The following PCDH7 variants were observed in gnomAD, a reference collection of about 807,000 sequenced individuals.
The protein encoded by PCDH7 is protocadherin 7, also known as protocadherin-7.
In PCDH7, 17 loss-of-function variants were observed where a neutral mutation model predicts 58.9. The observed-to-expected ratio is 0.29, with a 90% CI of 0.20 to 0.43. The LOEUF (loss-of-function observed/expected upper bound fraction) is 0.43. Ranked by LOEUF, PCDH7 falls within the 20% of genes least tolerant of loss-of-function variation. The probability of loss-of-function intolerance (pLI) is 1.00; values close to 1 mark genes in which losing one functional copy is unlikely to be tolerated. For missense variants in PCDH7, 1,274 were observed against 1,441.0 expected (o/e 0.88, Z 1.88); for synonymous variants, 664 against 616.4 (o/e 1.08, Z -1.14).
chr4:31,058,716 A>G (rs1427501560), intron 3 of PCDH7, among the ~76,000 whole-genome samples: 1 of 152,006 alleles, frequency 6.6e-6, no homozygotes, highest in African/African-American at 2.4e-5. Context: ...TTTCACACCA[A>G]CTGTGTTGGC....
chr4:31,077,797 A>G (rs1205588142), intron 3 of PCDH7, among the ~76,000 whole-genome samples: 1 of 152,210 alleles, frequency 6.6e-6, no homozygotes, highest in East Asian at 1.9e-4. Context: ...AAATATTGCT[A>G]CTTGGAGAAT....
intron 1 of PCDH7, among the ~76,000 whole-genome samples, chr4:30,839,476 A>C (rs1481683193): frequency 6.6e-6 from 1 of 152,158 alleles, no homozygotes; most frequent in African/African-American, 2.4e-5. Flanking sequence ...CGTATTATGC[A>C]AGTTGAATAA....
intron 2 of PCDH7, among the ~76,000 whole-genome samples, chr4:30,945,793 A>G (rs561778108): frequency 1.4e-4 from 21 of 152,128 alleles, no homozygotes; most frequent in Middle Eastern, 3.4e-3. Context: ...TCCTTTGCAA[A>G]GGTTTCCAGA....
At chr4:30,879,043 A>C (rs536823812) in intron 1 of PCDH7, among the ~76,000 whole-genome samples, 2 of 152,240 alleles carry the variant, frequency 1.3e-5, no homozygotes, top group East Asian at 3.9e-4. Flanking sequence ...ATATATGTGA[A>C]ATATTATAAG....
chr4:30,737,523 C>A, downstream of PCDH7, among the ~76,000 whole-genome samples: 1 of 134,610 alleles, frequency 7.4e-6, no homozygotes, highest in East Asian at 2.1e-4. Flanking sequence ...TCAAAAAATA[C>A]GTATGTATAC....
chr4:30,823,233 T>G (rs1260265550), intron 1 of PCDH7, among the ~76,000 whole-genome samples: 1 of 152,168 alleles, frequency 6.6e-6, no homozygotes, highest in African/African-American at 2.4e-5. Context: ...TTCTGATTTA[T>G]CTCCTTTTGT....
chr4:30,776,274 C>A (rs1408053780), intron 1 of PCDH7: 1 of 152,194 alleles, frequency 6.6e-6, no homozygotes, highest in Non-Finnish European at 1.5e-5. Context: ...TCCACATGTT[C>A]TTCCAAGTTC....
At chr4:31,134,836 C>T (rs1339650662) in intron 3 of PCDH7, among the ~76,000 whole-genome samples, 2 of 152,132 alleles carry the variant, frequency 1.3e-5, no homozygotes, top group Non-Finnish European at 2.9e-5. Flanking sequence ...TGCTTTCTCT[C>T]AGGATGGTGA....
At chr4:30,886,612 C>T (rs905077247) in intron 1 of PCDH7, among the ~76,000 whole-genome samples, 28 of 149,704 alleles carry the variant, frequency 1.9e-4, no homozygotes, top group African/African-American at 6.6e-4. Flanking sequence ...ACCCAGCCAT[C>T]CCATTACTGG....
chr4:31,054,691 A>G (rs770271741), intron 3 of PCDH7, among the ~76,000 whole-genome samples: 2 of 152,142 alleles, frequency 1.3e-5, no homozygotes, highest in Admixed American at 6.6e-5. Flanking sequence ...TCAACTAAAG[A>G]TTTCTATTCT....
chr4:30,993,878 G>T (rs1751656788), intron 3 of PCDH7, among the ~76,000 whole-genome samples: 1 of 152,210 alleles, frequency 6.6e-6, no homozygotes, highest in South Asian at 2.1e-4. Flanking sequence ...AGAAGAGAGA[G>T]TGTGTCTGTG....
intron 1 of PCDH7, among the ~76,000 whole-genome samples, chr4:30,919,611 G>A (rs902999749): frequency 6.6e-6 from 1 of 152,108 alleles, no homozygotes; most frequent in Non-Finnish European, 1.5e-5. Flanking sequence ...TAGGAATGAT[G>A]TAATAAACAT....
chr4:30,763,990 T>C (rs2109271390), intron 1 of PCDH7, among the ~76,000 whole-genome samples: 1 of 152,324 alleles, frequency 6.6e-6, no homozygotes, highest in East Asian at 1.9e-4. Context: ...GTCTAAATCC[T>C]CACTCGGAGC....
chr4:30,720,610 T>G lies in PCDH7; in HGVS notation c.-813T>G, dbSNP rs1196499613. Reference sequence around the variant, plus strand: ...CGCGCTCTCCGGGGTGAGAAGGGACTGACTCTGGGCGTCTCTGAAGATGGC... The same window carrying G: ...CGCGCTCTCCGGGGTGAGAAGGGACGGACTCTGGGCGTCTCTGAAGATGGC... On this transcript the variant is annotated 5_prime_UTR_variant, in exon 1 of 2. It removes the in-frame stop codon of an upstream open reading frame in the 5' UTR. Coordinates refer to ENST00000361762, the Ensembl canonical transcript of PCDH7. This position sits in a 1 kb window ranked among gnomAD's most constrained non-coding sequence, Gnocchi z 4.7. 6.5e-6 allele frequency: 1 copy of G among 152,856 alleles called. No individual in the cohort carries two copies. Among genetic ancestry groups the G allele is most frequent in the Non-Finnish European group, 1.5e-5 (1 of 68,252 alleles). 9.5% of individuals were successfully genotyped at this position (152,856 alleles called of 1,614,324 possible). A position where few individuals can be genotyped will look rare whatever the true frequency, so the allele number is the denominator to read the frequency against.
At chr4:30,772,392 C>T (rs1317468628) in intron 1 of PCDH7, among the ~76,000 whole-genome samples, 1 of 152,136 alleles carries the variant, frequency 6.6e-6, no homozygotes, top group Admixed American at 6.5e-5. Context: ...ATTCTGTCTC[C>T]CTCCCTCTCT....
chr4:30,841,561 T>A (rs924547463), intron 1 of PCDH7, among the ~76,000 whole-genome samples: 1 of 152,174 alleles, frequency 6.6e-6, no homozygotes, highest in Non-Finnish European at 1.5e-5. Flanking sequence ...GATGTGATTT[T>A]GTGATCTCTT....
intron 3 of PCDH7, among the ~76,000 whole-genome samples, chr4:30,986,116 C>A (rs1039019033): frequency 2.0e-5 from 3 of 152,072 alleles, no homozygotes; most frequent in African/African-American, 4.8e-5. Context: ...ATTTTCAATT[C>A]TTTCTAAAAC....
At chr4:30,946,613 CTT>C (rs776730603) in intron 2 of PCDH7, among the ~76,000 whole-genome samples, 28 of 151,930 alleles carry the variant, frequency 1.8e-4, no homozygotes, top group African/African-American at 6.0e-4. Flanking sequence ...CAGTCTCTCT[CTT>C]GTGAATAACA....
At chr4:30,896,889 C>CTTTTTTTTTTTTTGTTTTTT (rs1739471365) in intron 1 of PCDH7, among the ~76,000 whole-genome samples, 1 of 27,340 alleles carries the variant, frequency 3.7e-5, no homozygotes, top group African/African-American at 1.6e-4. Flanking sequence ...TAGTTCTTTG[C>CTTTTTTTTTTTTTGTTTTTT]TTTTTTTTTT....
Sources: allele counts gnomAD v4.1 joint callset (sites outside exome capture counted in the v4.1 genomes callset), GRCh38; gene constraint gnomAD v4.1.1; non-coding constraint Gnocchi (gnomAD v3.1); transcripts MANE v1.5; gene names NCBI Gene and HGNC (gene_info 2026-07-23, HGNC 2026-07-21).